TBC1D22A: variants seen among roughly 807,000 people sequenced by gnomAD.
TBC1D22A encodes the protein putative GTPase activator.
TBC1D22A carries 38 observed loss-of-function variants against 60.2 expected under a neutral mutation model. That is an observed-to-expected ratio of 0.63 (90% CI 0.49 to 0.83). The LOEUF (loss-of-function observed/expected upper bound fraction) is 0.83. TBC1D22A is among the 40% of genes least tolerant of loss of function. The pLI is 0.00. For synonymous variants in TBC1D22A, 302 were observed against 281.7 expected (o/e 1.07, Z -0.72); for missense variants, 628 against 701.0 (o/e 0.90, Z 1.18).
At chr22:46,915,585 T>C (rs764649675) in intron 8 of TBC1D22A, 4 of 456,602 alleles carry the variant, frequency 8.8e-6, no homozygotes, top group Non-Finnish European at 1.8e-5. Flanking sequence ...GTGTTGTTAC[T>C]TGGATATTCC....
At chr22:47,052,313 G>GCGGCCTGTGTGGCCTCCTGGTAC (rs2063251891) in intron 11 of TBC1D22A, among the ~76,000 whole-genome samples, 1 of 152,248 alleles carries the variant, frequency 6.6e-6, no homozygotes, top group East Asian at 1.9e-4. Flanking sequence ...CATCGGCCAT[G>GCGGCCTGTGTGGCCTCCTGGTAC]CGGCCTGTGT....
intron 4 of TBC1D22A, among the ~76,000 whole-genome samples, chr22:46,816,249 C>T (rs1020348385): frequency 1.1e-4 from 17 of 152,164 alleles, no homozygotes; most frequent in African/African-American, 2.2e-4. Context: ...CCATGTGCCT[C>T]GTTCCCCCAC....
chr22:46,816,473 G>A (rs542756377), intron 4 of TBC1D22A, among the ~76,000 whole-genome samples: 62 of 152,318 alleles, frequency 4.1e-4, no homozygotes, highest in African/African-American at 1.5e-3. Context: ...AATAAGATTA[G>A]GTAAATTCTG....
chr22:46,845,474 T>C (rs2086949418), intron 4 of TBC1D22A, among the ~76,000 whole-genome samples: 1 of 152,210 alleles, frequency 6.6e-6, no homozygotes, highest in Non-Finnish European at 1.5e-5. Flanking sequence ...ATTAAATATT[T>C]TTCCTTTCGG....
At chr22:46,862,575 C>T (rs1348413089) in intron 4 of TBC1D22A, among the ~76,000 whole-genome samples, 1 of 152,188 alleles carries the variant, frequency 6.6e-6, no homozygotes, top group African/African-American at 2.4e-5. Flanking sequence ...CTGTTCAGCC[C>T]CGGGAGCCAG....
At chr22:46,900,706 G>C (rs934506564) in intron 7 of TBC1D22A, among the ~76,000 whole-genome samples, 1 of 152,290 alleles carries the variant, frequency 6.6e-6, no homozygotes, top group African/African-American at 2.4e-5. Flanking sequence ...TGTGCATGCT[G>C]TTGCAAGGAT....
intron 4 of TBC1D22A, among the ~76,000 whole-genome samples, chr22:46,877,742 A>C (rs1347439040): frequency 1.3e-5 from 2 of 152,252 alleles, no homozygotes; most frequent in African/African-American, 4.8e-5. Context: ...AGCTGTTAGG[A>C]AAACAACCTA....
chr22:46,779,934 C>A (rs2083867810), intron 1 of TBC1D22A, among the ~76,000 whole-genome samples: 1 of 152,246 alleles, frequency 6.6e-6, no homozygotes, highest in East Asian at 1.9e-4. Flanking sequence ...CATGTTTCTG[C>A]TGTTGACCCT....
chr22:46,976,922 A>G (rs999354009), intron 9 of TBC1D22A, among the ~76,000 whole-genome samples: 1 of 152,174 alleles, frequency 6.6e-6, no homozygotes, highest in Non-Finnish European at 1.5e-5. Context: ...AGGGTCTTCA[A>G]GGGCCTCCTA....
At chr22:46,843,313 C>G (rs75380655) in intron 4 of TBC1D22A, among the ~76,000 whole-genome samples, 5,831 of 151,756 alleles carry the variant, frequency 0.038, 398 homozygotes, top group African/African-American at 0.13. Context: ...TTGTTGTTGT[C>G]ATTGATTTTT....
chr22:47,072,999 A>G lies in TBC1D22A; in HGVS notation c.1329+35801A>G, dbSNP rs529751786. On this transcript the variant is annotated intron_variant, in intron 11 of 12. Coordinates refer to ENST00000337137, the MANE Select transcript of TBC1D22A (RefSeq NM_014346.5). Reference sequence around the variant, plus strand: ...GGGGTCAGATTTGAATGTAAAACTGAAAAGTCCTAAATTTATTAAAGGCTT... The same window carrying G: ...GGGGTCAGATTTGAATGTAAAACTGGAAAGTCCTAAATTTATTAAAGGCTT... Among the ~76,000 whole-genome samples the G allele has an allele frequency of 1.5e-4, 23 of 152,376 alleles. No individual in the cohort carries two copies. In the South Asian group the frequency reaches 4.6e-3, roughly 30 times the overall value.
At chr22:46,809,606 G>A (rs2085298302) in intron 4 of TBC1D22A, among the ~76,000 whole-genome samples, 1 of 151,576 alleles carries the variant, frequency 6.6e-6, no homozygotes, top group Non-Finnish European at 1.5e-5. Flanking sequence ...GGGCAGTATG[G>A]GAAACAGGAC....
intron 1 of TBC1D22A, among the ~76,000 whole-genome samples, chr22:46,768,523 T>C (rs1213655654): frequency 1.3e-5 from 2 of 149,824 alleles, no homozygotes; most frequent in African/African-American, 4.9e-5. Flanking sequence ...AATCTGAAGG[T>C]TCAGTCTCTG....
intron 1 of TBC1D22A, among the ~76,000 whole-genome samples, chr22:46,764,643 G>T (rs544906007): frequency 6.6e-6 from 1 of 152,308 alleles, no homozygotes; most frequent in Admixed American, 6.5e-5. Context: ...GTAAAATGAG[G>T]TCATACTGGA....
chr22:47,005,383 T>C (rs2061551698), intron 10 of TBC1D22A, among the ~76,000 whole-genome samples: 1 of 149,992 alleles, frequency 6.7e-6, no homozygotes. Flanking sequence ...TGTACACACA[T>C]ACCCCTATGC....
At chr22:47,062,032 G>C (rs1467204552) in intron 11 of TBC1D22A, among the ~76,000 whole-genome samples, 1 of 137,154 alleles carries the variant, frequency 7.3e-6, no homozygotes, top group East Asian at 2.3e-4. Flanking sequence ...AGGTTGCAGT[G>C]AGCCCAGATC....
At chr22:46,930,955 C>T (rs1037537200) in intron 8 of TBC1D22A, among the ~76,000 whole-genome samples, 4 of 152,178 alleles carry the variant, frequency 2.6e-5, no homozygotes, top group African/African-American at 9.7e-5. Context: ...TCACAGCAGC[C>T]TTGTAAGGTA....
chr22:47,060,597 A>T (rs2063540193), intron 11 of TBC1D22A, among the ~76,000 whole-genome samples: 1 of 151,852 alleles, frequency 6.6e-6, no homozygotes, highest in Non-Finnish European at 1.5e-5. Context: ...CGCCCACCTA[A>T]TTTTTTGTGT....
At chr22:47,016,799 C>T (rs1426578247) in intron 10 of TBC1D22A, among the ~76,000 whole-genome samples, 3 of 152,232 alleles carry the variant, frequency 2.0e-5, no homozygotes, top group Non-Finnish European at 4.4e-5. Context: ...GTGTCTCTGC[C>T]TGCCTGGGTG....
Sources: gnomAD v4.1 joint callset for allele counts (sites outside exome capture counted in the v4.1 genomes callset) on GRCh38, gnomAD v4.1.1 for gene constraint, MANE v1.5 for transcripts, NCBI Gene and HGNC (gene_info 2026-07-23, HGNC 2026-07-21) for gene names.